Variants in ATP7B observed in about 807,000 individuals in gnomAD.
ATP7B encodes the protein ATPase copper transporting beta, also known as copper-transporting ATPase 2.
A neutral mutation model predicts 118.9 loss-of-function variants in ATP7B; 113 were observed. The observed-to-expected ratio is 0.95, with a 90% CI of 0.82 to 1.11. The LOEUF (loss-of-function observed/expected upper bound fraction) is 1.11. ATP7B is among the 50% of genes most tolerant of loss of function. The pLI, the probability that ATP7B is intolerant of heterozygous loss-of-function variation, is 0.00. For missense variants in ATP7B, 1,867 were observed against 1,871.4 expected, an observed-to-expected ratio of 1.00 and a Z score of 0.04; for synonymous variants, 777 against 727.4, an observed-to-expected ratio of 1.07 and a Z score of -1.10.
In ATP7B at chr13:51,982,726, C is replaced by A. The variant is rs76015409; in HGVS notation, c.52-7558G>T. Among the ~76,000 whole-genome samples the A allele has an allele frequency of 3.6e-3, 551 of 152,310 alleles. 4 individuals carry two copies. Among genetic ancestry groups the A allele is most frequent in the Middle Eastern group, 0.01 (3 of 294 alleles). The stretch of plus-strand genomic sequence containing the variant: ...CTGCATTTCCAGCTGAGGTACCCAG[C>A]TCATCTGGTTAAACAGCGGGTACAG... On this transcript the variant is annotated intron_variant, in intron 1 of 20. Transcript: ENST00000242839.
At chr13:51,970,874 T>G in intron 2 of ATP7B, 125 bp from the exon 3 acceptor site, 1 of 750,808 alleles carries the variant, frequency 1.3e-6, no homozygotes, top group Non-Finnish European at 2.1e-6. Context: ...CCTCAGCCCC[T>G]GGGCTCCAGT....
intron 12 of ATP7B, chr13:51,947,827 GT>G (rs1162000196): frequency 6.6e-6 from 1 of 152,196 alleles, no homozygotes; most frequent in Non-Finnish European, 1.5e-5. Context: ...AGAGATGACA[GT>G]ATCTTAAAGG....
At chr13:52,006,023 T>C (rs191627352) in intron 1 of ATP7B, among the ~76,000 whole-genome samples, 2 of 152,264 alleles carry the variant, frequency 1.3e-5, no homozygotes, top group African/African-American at 2.4e-5. Context: ...ACAAACAGCA[T>C]GAGCGATCTG....
intron 1 of ATP7B, among the ~76,000 whole-genome samples, chr13:52,009,091 G>T (rs2140710588): frequency 6.6e-6 from 1 of 152,144 alleles, no homozygotes; most frequent in South Asian, 2.1e-4. Flanking sequence ...TGCCAGGCTG[G>T]TCTTGAACTC....
intron 1 of ATP7B, among the ~76,000 whole-genome samples, chr13:51,981,668 G>A (rs1160100343): frequency 6.6e-6 from 1 of 152,130 alleles, no homozygotes; most frequent in Non-Finnish European, 1.5e-5. Context: ...AACCCCCACT[G>A]AGGAAGAATC....
At chr13:51,943,820 G>A (rs558581733) in intron 14 of ATP7B, among the ~76,000 whole-genome samples, 4 of 152,184 alleles carry the variant, frequency 2.6e-5, no homozygotes, top group South Asian at 4.2e-4. Flanking sequence ...CCCCAAGACC[G>A]TGAGCTCCCA....
In ATP7B at chr13:52,011,419, A is replaced by G. The variant is rs1954031211; in HGVS notation, c.-82T>C. ...GGTCGGTGGAGGAGAGCGGGGTGTT[A>G]AAGTCCCGGGAGAGGAGGCGCAGAG... is the stretch of plus-strand genomic sequence containing the variant. On this transcript the variant is annotated 5_prime_UTR_variant, in exon 1 of 21. Transcript: ENST00000242839. 4 of 1,591,234 alleles carry G rather than the reference A, an allele frequency of 2.5e-6. No homozygotes were observed. The highest frequency in any genetic ancestry group is 3.4e-6 in the Non-Finnish European group (4 of 1,161,104).
chr13:51,983,345 T>C (rs1322852756), intron 1 of ATP7B, among the ~76,000 whole-genome samples: 1 of 152,154 alleles, frequency 6.6e-6, no homozygotes, highest in Non-Finnish European at 1.5e-5. Flanking sequence ...AAAGCTACTG[T>C]AGCTAGACTG....
At chr13:51,936,536 T>C (rs1956974956) in intron 19 of ATP7B, among the ~76,000 whole-genome samples, 1 of 152,110 alleles carries the variant, frequency 6.6e-6, no homozygotes, top group Non-Finnish European at 1.5e-5. Flanking sequence ...TTTCTTTTTC[T>C]TTTTTTCTGA....
At chr13:52,010,764 A>C (rs35895576) in intron 1 of ATP7B, among the ~76,000 whole-genome samples, 66,251 of 152,176 alleles carry the variant, frequency 0.44, 16,628 homozygotes, top group Non-Finnish European at 0.56. Context: ...TATTTGCCGA[A>C]TGAAGACATA....
Position 51,968,510 on chromosome 13 carries a change from C to T in ATP7B, c.1641G>A (p.Gln547=), listed in dbSNP as rs2139890973. 3.7e-6 allele frequency: 6 copies of T among 1,614,200 alleles called. No individual in the cohort carries two copies. The highest frequency in any genetic ancestry group is 5.1e-6 in the Non-Finnish European group (6 of 1,180,038). Residue 547 remains glutamine (Q), a synonymous_variant, in exon 4 of 21, where the codon CAG becomes CAA. Transcript: ENST00000242839. ...TGACTGCTGCCTCAAAACCCAGGTC[C>T]TGGATGAACTGAGCTATCTCGAGGG... ...IQPLEIAQFI[Q]DLGFEAAVME...
At chr13:52,003,093 T>C (rs1332508446) in intron 1 of ATP7B, among the ~76,000 whole-genome samples, 1 of 152,246 alleles carries the variant, frequency 6.6e-6, no homozygotes, top group Non-Finnish European at 1.5e-5. Flanking sequence ...CATTTATCTG[T>C]TCACTAGAGT....
chr13:51,967,214 A>T (rs1328743331), intron 4 of ATP7B: 21 of 1,115,850 alleles, frequency 1.9e-5, no homozygotes, highest in Non-Finnish European at 2.5e-5. Flanking sequence ...TCAATGAGCA[A>T]ATCTCCATAC....
At chr13:51,991,335 A>C (rs1436288937) in intron 1 of ATP7B, among the ~76,000 whole-genome samples, 2 of 151,980 alleles carry the variant, frequency 1.3e-5, no homozygotes, top group Non-Finnish European at 2.9e-5. Flanking sequence ...GACAAATTAA[A>C]ACAGCAGCCA....
At chr13:51,989,251 T>C (rs1446310211) in intron 1 of ATP7B, among the ~76,000 whole-genome samples, 1 of 152,178 alleles carries the variant, frequency 6.6e-6, no homozygotes, top group African/African-American at 2.4e-5. Context: ...TGGCCTTGAA[T>C]CCTGTTTCAC....
intron 2 of ATP7B, 135 bp downstream of exon 2, chr13:51,973,800 A>C: frequency 3.0e-6 from 4 of 1,315,494 alleles, no homozygotes; most frequent in Non-Finnish European, 4.3e-6. Context: ...ACATGCAAGG[A>C]AAGTTTGCAG....
At chr13:52,005,226 T>G (rs1029547882) in intron 1 of ATP7B, among the ~76,000 whole-genome samples, 1 of 152,252 alleles carries the variant, frequency 6.6e-6, no homozygotes, top group African/African-American at 2.4e-5. Context: ...CTGAAAATTT[T>G]CCAAATCTTT....
chr13:51,935,727 G>C, intron 19 of ATP7B, 32 bp from the exon 20 acceptor site: 9 of 1,581,342 alleles, frequency 5.7e-6, no homozygotes, highest in Non-Finnish European at 6.9e-6. Context: ...CTCACACCTA[G>C]GTCTGGGGAG....
intron 1 of ATP7B, among the ~76,000 whole-genome samples, chr13:51,992,913 G>C (rs1201437479): frequency 1.4e-5 from 2 of 141,202 alleles, no homozygotes; most frequent in African/African-American, 5.0e-5. Flanking sequence ...AGGAGATGGA[G>C]GTTGCAGTGA....
Sources: allele counts gnomAD v4.1 joint callset (sites outside exome capture counted in the v4.1 genomes callset), GRCh38; gene constraint gnomAD v4.1.1; transcripts MANE v1.5; gene names NCBI Gene and HGNC (gene_info 2026-07-23, HGNC 2026-07-21).